CLVS1: variants seen among roughly 807,000 people sequenced by gnomAD.
CLVS1 encodes clavesin-1.
CLVS1 carries 10 observed loss-of-function variants against 33.1 expected under a neutral mutation model. The ratio of observed to expected loss-of-function variants is 0.30; its 90% CI spans 0.19 to 0.51. CLVS1 has a LOEUF of 0.51. CLVS1 is among the 20% of genes least tolerant of loss of function. The pLI, the probability that CLVS1 is intolerant of heterozygous loss-of-function variation, is 0.97. For missense variants in CLVS1, 343 were observed against 433.4 expected (o/e 0.79, Z 1.85); for synonymous variants, 163 against 166.1 (o/e 0.98, Z 0.14).
intron 5 of CLVS1, among the ~76,000 whole-genome samples, chr8:61,485,048 A>T (rs1451616866): frequency 5.3e-5 from 8 of 152,182 alleles, no homozygotes; most frequent in South Asian, 2.1e-4. Flanking sequence ...GGACTTCTTG[A>T]CTAAAACACC....
the CLVS1 span, among the ~76,000 whole-genome samples, chr8:61,022,093 G>T: frequency 6.6e-6 from 1 of 152,168 alleles, no homozygotes; most frequent in Non-Finnish European, 1.5e-5. Flanking sequence ...ACCTCTTAAG[G>T]CATGAGTGTC....
At chr8:61,306,351 G>A (rs917847038) in intron 2 of CLVS1, among the ~76,000 whole-genome samples, 19 of 152,102 alleles carry the variant, frequency 1.2e-4, no homozygotes, top group African/African-American at 4.6e-4. Flanking sequence ...AGAGGTGTCT[G>A]TTCATGTTCT....
At chr8:61,147,841 G>A (rs555343089) in intron 2 of CLVS1, among the ~76,000 whole-genome samples, 1 of 152,284 alleles carries the variant, frequency 6.6e-6, no homozygotes, top group African/African-American at 2.4e-5. Context: ...TCATAGGAAA[G>A]TGAGAAAAAA....
In CLVS1 at chr8:61,475,824, T is replaced by G. The variant is rs189886457; in HGVS notation, c.977+17282T>G. ...AATTAGATACCATTTGTCAATTTTG[T>G]CTTTTGTTGCCATTGCTTTTGGTGT... On this transcript the variant is annotated intron_variant, in intron 5 of 5. Coordinates refer to ENST00000325897, the MANE Select transcript of CLVS1 (RefSeq NM_173519.3). Among the ~76,000 whole-genome samples, 509 of 152,210 alleles carry G rather than the reference T, an allele frequency of 3.3e-3. 3 individuals are homozygous for G. The highest frequency in any genetic ancestry group is 6.4e-3 in the African/African-American group (266 of 41,552).
At chr8:61,123,647 C>T (rs1284557029) in intron 1 of CLVS1, among the ~76,000 whole-genome samples, 4 of 152,146 alleles carry the variant, frequency 2.6e-5, no homozygotes, top group Admixed American at 2.6e-4. Flanking sequence ...GGGAGGGACT[C>T]ACCAATGTAT....
chr8:61,439,791 CT>C (rs914819374), intron 3 of CLVS1, among the ~76,000 whole-genome samples: 17 of 152,042 alleles, frequency 1.1e-4, no homozygotes, highest in African/African-American at 3.6e-4. Flanking sequence ...CCTTTCACCC[CT>C]CCCTTCTTTT....
the CLVS1 span, chr8:60,966,290 G>A: frequency 2.2e-6 from 1 of 447,832 alleles, no homozygotes; most frequent in South Asian, 1.6e-5. Context: ...GAGCTATGCA[G>A]CCCAGGTGAA....
At chr8:61,491,958 C>G (rs1396627861) in intron 5 of CLVS1, among the ~76,000 whole-genome samples, 3 of 151,978 alleles carry the variant, frequency 2.0e-5, no homozygotes, top group African/African-American at 7.3e-5. Context: ...ATCATGGGGG[C>G]AGGAGGAGGG....
chr8:61,439,337 T>C (rs111753581), intron 3 of CLVS1, among the ~76,000 whole-genome samples: 2,385 of 152,346 alleles, frequency 0.016, 29 homozygotes, highest in Non-Finnish European at 0.022. Context: ...ATGTATTTGG[T>C]ATTTAATAGT....
the CLVS1 span, among the ~76,000 whole-genome samples, chr8:61,010,671 G>A: frequency 1.3e-5 from 2 of 152,150 alleles, no homozygotes; most frequent in Non-Finnish European, 2.9e-5. Flanking sequence ...CACTAAACAG[G>A]CAATTCTATG....
intron 3 of CLVS1, among the ~76,000 whole-genome samples, chr8:61,390,709 A>C (rs1269827770): frequency 6.6e-6 from 1 of 152,026 alleles, no homozygotes; most frequent in African/African-American, 2.4e-5. Flanking sequence ...ATTGCCTGTT[A>C]ATGTACTTTA....
chr8:61,364,576 G>A (rs1813113454), intron 2 of CLVS1, among the ~76,000 whole-genome samples: 1 of 152,126 alleles, frequency 6.6e-6, no homozygotes. Flanking sequence ...AGTTTCTTAT[G>A]ATTAAGAAGG....
chr8:61,154,089 A>G (rs1806601829), intron 2 of CLVS1, among the ~76,000 whole-genome samples: 1 of 152,164 alleles, frequency 6.6e-6, no homozygotes, highest in Admixed American at 6.5e-5. Context: ...CCAAGGCAGC[A>G]ATTACAAGAG....
the CLVS1 span, among the ~76,000 whole-genome samples, chr8:61,025,541 T>C: frequency 1.7e-3 from 253 of 152,336 alleles, 1 homozygote; most frequent in African/African-American, 5.8e-3. Flanking sequence ...TGAGGAAAGA[T>C]CAGAGACTCT....
chr8:60,982,462 A>G, the CLVS1 span, among the ~76,000 whole-genome samples: 2 of 152,212 alleles, frequency 1.3e-5, no homozygotes, highest in South Asian at 2.1e-4. Context: ...AACTGGGCCA[A>G]TAAATGTCAA....
At chr8:61,311,628 G>A (rs537890172) in intron 2 of CLVS1, among the ~76,000 whole-genome samples, 2 of 152,286 alleles carry the variant, frequency 1.3e-5, no homozygotes, top group South Asian at 4.1e-4. Flanking sequence ...GCAGTGAGGG[G>A]GCTGTACTGA....
chr8:61,318,573 A>G (rs554506996), intron 2 of CLVS1, among the ~76,000 whole-genome samples: 1 of 152,124 alleles, frequency 6.6e-6, no homozygotes, highest in Non-Finnish European at 1.5e-5. Flanking sequence ...TATTATTTCT[A>G]TCTTCATATG....
intron 2 of CLVS1, among the ~76,000 whole-genome samples, chr8:61,341,504 G>A (rs953457530): frequency 4.6e-5 from 7 of 152,156 alleles, no homozygotes; most frequent in South Asian, 2.1e-4. Flanking sequence ...AGGAACTCAC[G>A]TCCATGTCCA....
intron 2 of CLVS1, among the ~76,000 whole-genome samples, chr8:61,133,892 G>T (rs1371327210): frequency 6.6e-6 from 1 of 152,076 alleles, no homozygotes; most frequent in Non-Finnish European, 1.5e-5. Context: ...CTCCAAATTG[G>T]GTGACAGAGT....
Sources: gnomAD v4.1 joint callset for allele counts (sites outside exome capture counted in the v4.1 genomes callset) on GRCh38, gnomAD v4.1.1 for gene constraint, MANE v1.5 for transcripts, NCBI Gene and HGNC (gene_info 2026-07-23, HGNC 2026-07-21) for gene names.